Variants in VPS13B observed in about 807,000 individuals in gnomAD.
The protein encoded by VPS13B is vacuolar protein sorting 13 homolog B, also known as intermembrane lipid transfer protein VPS13B.
A neutral mutation model predicts 426.4 loss-of-function variants in VPS13B; 285 were observed. The observed-to-expected ratio is 0.67, with a 90% CI of 0.61 to 0.74. The LOEUF (loss-of-function observed/expected upper bound fraction) is 0.74, where lower values mean the gene tolerates loss of function less well. Ranked by LOEUF, VPS13B falls within the 30% of genes least tolerant of loss-of-function variation. The pLI is 0.00. For missense variants in VPS13B, 4,537 were observed against 4,782.6 expected (o/e 0.95, Z 1.51); for synonymous variants, 1,676 against 1,676.4 (o/e 1.00, Z 0.01).
chr8:99,208,642 CTTATT>C (rs1814880150), intron 17 of VPS13B, among the ~76,000 whole-genome samples: 1 of 152,012 alleles, frequency 6.6e-6, no homozygotes, highest in African/African-American at 2.4e-5. Context: ...AAAGTGAATA[CTTATT>C]TTAATTAATG....
At chr8:99,800,424 C>A (rs1813064645) in intron 43 of VPS13B, among the ~76,000 whole-genome samples, 1 of 152,100 alleles carries the variant, frequency 6.6e-6, no homozygotes, top group Admixed American at 6.5e-5. Flanking sequence ...CTATTTAAAA[C>A]AAGCCTATTT....
intron 43 of VPS13B, among the ~76,000 whole-genome samples, chr8:99,791,991 A>C (rs954558247): frequency 6.6e-6 from 1 of 152,176 alleles, no homozygotes; most frequent in Non-Finnish European, 1.5e-5. Context: ...AAATGGGAAC[A>C]TAATATTTTT....
intron 40 of VPS13B, among the ~76,000 whole-genome samples, chr8:99,770,305 C>T (rs1811418141): frequency 2.7e-5 from 4 of 148,408 alleles, no homozygotes; most frequent in Non-Finnish European, 4.5e-5. Context: ...CTTCTATTTG[C>T]TGTGCACTGG....
intron 35 of VPS13B, 64 bp from the exon 36 acceptor site, chr8:99,699,460 AG>A (rs2130178461): frequency 6.4e-7 from 1 of 1,563,210 alleles, no homozygotes; most frequent in South Asian, 1.1e-5. Flanking sequence ...AGCTTGTCAG[AG>A]AAGTAAAGGC....
intron 33 of VPS13B, among the ~76,000 whole-genome samples, chr8:99,626,449 T>A (rs997626166): frequency 2.6e-5 from 4 of 151,610 alleles, no homozygotes; most frequent in African/African-American, 7.3e-5. Context: ...GTAGGGGAGG[T>A]GGAGTAGTAG....
At chr8:99,460,762 T>A (rs1157963969) in intron 23 of VPS13B, among the ~76,000 whole-genome samples, 1 of 152,208 alleles carries the variant, frequency 6.6e-6, no homozygotes, top group South Asian at 2.1e-4. Context: ...GGTAGTGTTA[T>A]CAGTTTCCAC....
chr8:99,268,869 A>G (rs1009220173), intron 17 of VPS13B, among the ~76,000 whole-genome samples: 1 of 152,156 alleles, frequency 6.6e-6, no homozygotes, highest in Non-Finnish European at 1.5e-5. Context: ...TGTAGTTCCC[A>G]TAATCCTCAT....
At chr8:99,675,058 G>A (rs536444333) in intron 35 of VPS13B, among the ~76,000 whole-genome samples, 10 of 151,102 alleles carry the variant, frequency 6.6e-5, no homozygotes, top group South Asian at 2.1e-4. Flanking sequence ...ATGTTGTTGC[G>A]TTATTATCAT....
intron 20 of VPS13B, among the ~76,000 whole-genome samples, chr8:99,386,139 G>A (rs1213681565): frequency 6.6e-6 from 1 of 152,012 alleles, no homozygotes; most frequent in East Asian, 1.9e-4. Context: ...ATTCTTGATT[G>A]GTTATTCTCT....
chr8:99,689,841 A>T (rs1831575705), intron 35 of VPS13B, among the ~76,000 whole-genome samples: 1 of 152,184 alleles, frequency 6.6e-6, no homozygotes, highest in Non-Finnish European at 1.5e-5. Flanking sequence ...CAGTTGGTTT[A>T]TGTGGATATT....
At chr8:99,049,130 G>C (rs1456252781) in intron 3 of VPS13B, among the ~76,000 whole-genome samples, 2 of 151,960 alleles carry the variant, frequency 1.3e-5, no homozygotes, top group African/African-American at 4.8e-5. Context: ...TATCTTTTAA[G>C]TGGTGCTTTT....
chr8:99,247,679 C>T (rs929229774), intron 17 of VPS13B, among the ~76,000 whole-genome samples: 6 of 152,222 alleles, frequency 3.9e-5, no homozygotes, highest in Non-Finnish European at 7.3e-5. Flanking sequence ...CTATCAACTA[C>T]ATAAATTTTG....
intron 5 of VPS13B, among the ~76,000 whole-genome samples, chr8:99,105,470 C>A (rs1009528915): frequency 6.6e-6 from 1 of 152,110 alleles, no homozygotes; most frequent in African/African-American, 2.4e-5. Context: ...CTTCTGCCTC[C>A]CGGGTTCAAG....
chr8:99,826,083 G>A (rs1367645724), intron 51 of VPS13B, among the ~76,000 whole-genome samples: 3 of 152,190 alleles, frequency 2.0e-5, no homozygotes, highest in African/African-American at 7.2e-5. Flanking sequence ...GAAGTTTAAA[G>A]TAGTTTTTTC....
chr8:99,752,472 T>C (rs1307194667), intron 39 of VPS13B, among the ~76,000 whole-genome samples: 2 of 152,150 alleles, frequency 1.3e-5, no homozygotes, highest in African/African-American at 4.8e-5. Context: ...TATACTACAA[T>C]AGTCAGAGTC....
At chr8:99,440,591 A>T (rs956783931) in intron 22 of VPS13B, among the ~76,000 whole-genome samples, 1 of 152,148 alleles carries the variant, frequency 6.6e-6, no homozygotes, top group Non-Finnish European at 1.5e-5. Flanking sequence ...TCATTAAAGG[A>T]ACTCTCACAA....
intron 20 of VPS13B, 66 bp from the exon 21 acceptor site, chr8:99,391,491 C>T: frequency 6.2e-7 from 1 of 1,611,304 alleles, no homozygotes; most frequent in South Asian, 1.1e-5. Context: ...CCATGTTTAA[C>T]CTTTGCTGCT....
At chr8:99,691,353 A>T (rs544559288) in intron 35 of VPS13B, among the ~76,000 whole-genome samples, 2 of 152,194 alleles carry the variant, frequency 1.3e-5, no homozygotes, top group South Asian at 4.2e-4. Context: ...ATTGTATGCT[A>T]TTGAAAGGTA....
chr8:99,780,294 A>G (rs1811953488), intron 42 of VPS13B, among the ~76,000 whole-genome samples: 1 of 152,216 alleles, frequency 6.6e-6, no homozygotes, highest in Non-Finnish European at 1.5e-5. Flanking sequence ...CCTAGAAAAT[A>G]TAAAAGAATC....
Sources: allele counts gnomAD v4.1 joint callset (sites outside exome capture counted in the v4.1 genomes callset), GRCh38; gene constraint gnomAD v4.1.1; transcripts MANE v1.5; gene names NCBI Gene and HGNC (gene_info 2026-07-23, HGNC 2026-07-21).